Variants in TBC1D9 observed in about 807,000 individuals in gnomAD.
TBC1D9 encodes the protein TBC1 domain family member 9, also known as TBC1 domain family member 9A.
TBC1D9 carries 63 observed loss-of-function variants against 132.0 expected under a neutral mutation model. That is an observed-to-expected ratio of 0.48 (90% CI 0.39 to 0.59). TBC1D9 has a LOEUF of 0.59. TBC1D9 is among the 20% of genes least tolerant of loss of function. TBC1D9 has a pLI of 0.00. For missense variants in TBC1D9, 1,261 were observed against 1,592.7 expected, an observed-to-expected ratio of 0.79 and a Z score of 3.54; for synonymous variants, 610 against 609.9, an observed-to-expected ratio of 1.00 and a Z score of 0.00.
intron 1 of TBC1D9, among the ~76,000 whole-genome samples, chr4:140,707,456 G>C (rs992637557): frequency 3.9e-5 from 6 of 152,078 alleles, no homozygotes; most frequent in Non-Finnish European, 7.3e-5. Context: ...CAAGACTTTT[G>C]GCTCAGTACT....
chr4:140,728,725 C>G (rs1047408441), intron 1 of TBC1D9, among the ~76,000 whole-genome samples: 1 of 152,098 alleles, frequency 6.6e-6, no homozygotes, highest in East Asian at 1.9e-4. Context: ...TGCAGTGGCT[C>G]GATCTCAGCT....
chr4:140,631,256 T>C (rs1736791034), intron 16 of TBC1D9, among the ~76,000 whole-genome samples: 2 of 152,212 alleles, frequency 1.3e-5, no homozygotes, highest in African/African-American at 4.8e-5. Flanking sequence ...GGAGTCTTGC[T>C]CTGTTGCCCA....
rs183439634 is a variant in TBC1D9, at chr4:140,683,108, C to T, written c.360+3236G>A. On this transcript the variant is annotated intron_variant, in intron 3 of 20. Coordinates refer to ENST00000442267, the MANE Select transcript of TBC1D9 (RefSeq NM_015130.3). ...GGTCAGGCTGGTCTCGAACTCCTGA[C>T]CTCAGGTGATCTGCCTGCCTCAGCC... Among the ~76,000 whole-genome samples the T allele has an allele frequency of 6.6e-4, 100 of 152,180 alleles. 1 individual carries two copies. Among genetic ancestry groups the T allele is most frequent in the African/African-American group, 2.2e-3 (90 of 41,500 alleles).
chr4:140,642,682 T>C (rs972096708), intron 13 of TBC1D9: 1 of 672,612 alleles, frequency 1.5e-6, no homozygotes, highest in Non-Finnish European at 2.7e-6. Context: ...TGGCTTTCCC[T>C]GTTCCAATAA....
At chr4:140,654,830 A>T (rs925396877) in intron 13 of TBC1D9, among the ~76,000 whole-genome samples, 1 of 152,056 alleles carries the variant, frequency 6.6e-6, no homozygotes, top group African/African-American at 2.4e-5. Context: ...TAATTTTTTT[A>T]ATCCAAACTT....
chr4:140,663,486 G>T (rs912670998), intron 9 of TBC1D9, among the ~76,000 whole-genome samples: 1 of 152,170 alleles, frequency 6.6e-6, no homozygotes, highest in Non-Finnish European at 1.5e-5. Context: ...ACAGTATAGA[G>T]ATTCCTTAAA....
intron 1 of TBC1D9, among the ~76,000 whole-genome samples, chr4:140,710,321 G>C (rs1002334442): frequency 6.6e-6 from 1 of 152,014 alleles, no homozygotes; most frequent in Non-Finnish European, 1.5e-5. Context: ...TTACAAAGAG[G>C]GGAGTGAGCT....
chr4:140,685,153 A>G (rs966257777), intron 3 of TBC1D9, among the ~76,000 whole-genome samples: 8 of 152,224 alleles, frequency 5.3e-5, no homozygotes, highest in African/African-American at 1.2e-4. Context: ...AAAATCATCA[A>G]TGGATCAATC....
At chr4:140,721,291 T>C (rs1345820111) in intron 1 of TBC1D9, among the ~76,000 whole-genome samples, 1 of 152,216 alleles carries the variant, frequency 6.6e-6, no homozygotes, top group East Asian at 1.9e-4. Flanking sequence ...TCATCAGTAA[T>C]AGCTAACAGT....
At position 140,657,186 on chromosome 4, in the gene TBC1D9, G is replaced by C; in HGVS notation, c.2248C>G (p.Pro750Ala). The C allele has an allele frequency of 6.8e-6, 11 of 1,613,960 alleles. No individual in the cohort carries two copies. The highest frequency in any genetic ancestry group is 9.3e-6 in the Non-Finnish European group (11 of 1,179,854). The change falls in exon 13 of 21, where the codon CCC becomes GCC. Residue 750 changes from proline to alanine, a missense_variant. Coordinates refer to ENST00000442267, the MANE Select transcript of TBC1D9 (RefSeq NM_015130.3). The part of the protein sequence containing the change: ...SVTNKDSTLP[P>A]IPHLHSLLSD... Reference sequence around the variant, plus strand: ...AGCAAGGAGTGGAGGTGAGGAATGGGAGGCAGTGTGCTGTCTTTATTGGTC... The same window carrying C: ...AGCAAGGAGTGGAGGTGAGGAATGGCAGGCAGTGTGCTGTCTTTATTGGTC...
At chr4:140,643,034 G>T in intron 13 of TBC1D9, 1 of 1,021,808 alleles carries the variant, frequency 9.8e-7, no homozygotes, top group Non-Finnish European at 1.4e-6. Context: ...AGGACTTCAT[G>T]GGGTACATCC....
At chr4:140,625,386 C>T (rs182562991) in intron 18 of TBC1D9, among the ~76,000 whole-genome samples, 1 of 152,242 alleles carries the variant, frequency 6.6e-6, no homozygotes, top group East Asian at 1.9e-4. Context: ...TAAAACGAGA[C>T]ATTACAGGGC....
At chr4:140,641,105 C>CAAAAA (rs1038335139) in intron 13 of TBC1D9, among the ~76,000 whole-genome samples, 1 of 59,778 alleles carries the variant, frequency 1.7e-5, no homozygotes. Context: ...AAAAAAAAAA[C>CAAAAA]AAAAAAAAAC....
chr4:140,728,537 A>T (rs1039989968), intron 1 of TBC1D9, among the ~76,000 whole-genome samples: 2 of 152,164 alleles, frequency 1.3e-5, no homozygotes, highest in Non-Finnish European at 2.9e-5. Flanking sequence ...TCTGTCACCC[A>T]GGCTGGAGTG....
At chr4:140,655,984 C>G (rs970755110) in intron 13 of TBC1D9, among the ~76,000 whole-genome samples, 1 of 152,166 alleles carries the variant, frequency 6.6e-6, no homozygotes, top group Non-Finnish European at 1.5e-5. Context: ...CTAGATCAGG[C>G]TTCAGGATGT....
intron 13 of TBC1D9, among the ~76,000 whole-genome samples, chr4:140,653,086 G>A (rs10519536): frequency 0.12 from 18,202 of 152,024 alleles, 1,276 homozygotes; most frequent in South Asian, 0.2. Flanking sequence ...TCACACAAGG[G>A]TCTACACAGA....
Position 140,743,743 on chromosome 4 carries a change from C to A in TBC1D9, c.130+12173G>T, listed in dbSNP as rs79226373. Among the ~76,000 whole-genome samples the A allele has an allele frequency of 2.1e-3, 321 of 152,312 alleles. 2 individuals are homozygous for A. The highest frequency in any genetic ancestry group is 7.0e-3 in the African/African-American group (291 of 41,564). ...ATTACAAATCCTGTTCTGTACATAA[C>A]TACAAAACAGGCTTTTGTGGTCAGG... On this transcript the variant is annotated intron_variant, in intron 1 of 20. Coordinates refer to ENST00000442267, the MANE Select transcript of TBC1D9 (RefSeq NM_015130.3).
At chr4:140,685,784 C>T (rs1468567157) in intron 3 of TBC1D9, among the ~76,000 whole-genome samples, 1 of 152,144 alleles carries the variant, frequency 6.6e-6, no homozygotes, top group Non-Finnish European at 1.5e-5. Context: ...AGCTTAAAAA[C>T]TTGGTCACAT....
At chr4:140,741,609 T>C (rs563673630) in intron 1 of TBC1D9, among the ~76,000 whole-genome samples, 1 of 152,216 alleles carries the variant, frequency 6.6e-6, no homozygotes, top group Admixed American at 6.5e-5. Context: ...TCCCAGCTAC[T>C]TGAGAGGCTG....
Sources: allele counts gnomAD v4.1 joint callset (sites outside exome capture counted in the v4.1 genomes callset), GRCh38; gene constraint gnomAD v4.1.1; transcripts MANE v1.5; gene names NCBI Gene and HGNC (gene_info 2026-07-23, HGNC 2026-07-21).